Variants in RDH13 observed in about 807,000 individuals in gnomAD.
RDH13 encodes the protein retinol dehydrogenase 13.
RDH13 carries 35 observed loss-of-function variants against 28.3 expected under a neutral mutation model. The observed-to-expected ratio is 1.24, with a 90% CI of 0.95 to 1.64. RDH13 has a LOEUF of 1.64. RDH13 is among the 40% of genes most tolerant of loss of function. The probability of loss-of-function intolerance (pLI) is 0.00; values close to 1 mark genes in which losing one functional copy is unlikely to be tolerated. For missense variants in RDH13, 514 were observed against 446.3 expected, an observed-to-expected ratio of 1.15 and a Z score of -1.37; for synonymous variants, 229 against 198.5, an observed-to-expected ratio of 1.15 and a Z score of -1.29.
rs1339582678 is a variant in RDH13 at position 55,063,110 on chromosome 19, G to A, written c.-78C>T. 4.1e-6 allele frequency: 5 copies of A among 1,209,294 alleles called. No homozygotes were observed. Among genetic ancestry groups the A allele is most frequent in the Admixed American group, 4.2e-5 (1 of 23,630 alleles). 74.9% of individuals were successfully genotyped at this position (1,209,294 alleles called of 1,614,324 possible). ...ACACCAGCCGCCTGGGTAGCTCCGA[G>A]GAAGAGCGCGCGACGCAGCCACAGG... is the stretch of plus-strand genomic sequence containing the variant. On this transcript the variant is annotated 5_prime_UTR_variant, in exon 1 of 7. Transcript: ENST00000415061.
rs765323743 is a variant in RDH13, at chr19:55,048,687, G to A, written c.417C>T (p.Phe139=). 35 of 1,613,854 alleles carry A rather than the reference G, an allele frequency of 2.2e-5. No individual in the cohort carries two copies. The highest frequency in any genetic ancestry group is 1.6e-4 in the Middle Eastern group (1 of 6,082). ...GGTGGTTAACGCCAAACTGCATCTCGAAGCCGTCCTCGGTGGTCCAGTGGG... is the reference window on the plus strand; with the variant it reads ...GGTGGTTAACGCCAAACTGCATCTCAAAGCCGTCCTCGGTGGTCCAGTGGG... ...RCPHWTTEDG[F]EMQFGVNHLG... The change falls in exon 4 of 7, where the codon TTC becomes TTT. Residue 139 remains phenylalanine, a synonymous_variant. Coordinates refer to ENST00000415061, the MANE Select transcript of RDH13 (RefSeq NM_001145971.2).
chr19:55,064,636 GAC>G (rs2075912607), upstream of RDH13, among the ~76,000 whole-genome samples: 2 of 151,202 alleles, frequency 1.3e-5, no homozygotes, highest in East Asian at 4.0e-4. Context: ...TTTTTTGAGA[GAC>G]AGTCTCACTG....
chr19:55,055,191 C>T (rs2075591383), intron 3 of RDH13, among the ~76,000 whole-genome samples: 1 of 152,032 alleles, frequency 6.6e-6, no homozygotes, highest in African/African-American at 2.4e-5. Flanking sequence ...CTCACTCTGT[C>T]ACCCAGGCTG....
intron 2 of RDH13, 49 bp from the exon 3 acceptor site, chr19:55,056,857 GTAC>G: frequency 2.0e-6 from 3 of 1,491,692 alleles, no homozygotes; most frequent in Non-Finnish European, 2.8e-6. Context: ...CCACTCCTGG[GTAC>G]TGACCCCAGA....
chr19:55,057,843 G>C (rs2075689602), intron 2 of RDH13, among the ~76,000 whole-genome samples: 1 of 140,470 alleles, frequency 7.1e-6, no homozygotes, highest in Admixed American at 7.4e-5. Flanking sequence ...GTCTCACTCT[G>C]CTGCCGCGGC....
rs116774778 is a variant in RDH13 at position 55,056,159 on chromosome 19, A to G, written c.340+494T>C. ...ACAGAGCGAGACCCCATCTGTCTCA[A>G]AACAAACAAACAAAACAAAGTCAGC... On this transcript the variant is annotated intron_variant, in intron 3 of 6. Transcript: ENST00000415061. Among the ~76,000 whole-genome samples the G allele has an allele frequency of 4.0e-3, 605 of 151,606 alleles. 7 individuals carry two copies. Among genetic ancestry groups the G allele is most frequent in the African/African-American group, 0.014 (567 of 41,376 alleles).
chr19:55,054,975 AAAT>A (rs567250425), intron 3 of RDH13, among the ~76,000 whole-genome samples: 170 of 151,750 alleles, frequency 1.1e-3, no homozygotes, highest in African/African-American at 4.0e-3. Context: ...ACTAAACAAT[AAAT>A]AATTTTAGTG....
intron 3 of RDH13, among the ~76,000 whole-genome samples, chr19:55,051,765 CTCAGTGG>C (rs1461620858): frequency 6.7e-6 from 1 of 150,298 alleles, no homozygotes; most frequent in African/African-American, 2.5e-5. Flanking sequence ...GGGAAGCTCA[CTCAGTGG>C]CCCAGGCTGG....
At position 55,059,274 on chromosome 19, in the gene RDH13, C is replaced by A. The variant is rs1000627854; in HGVS notation, c.67G>T (p.Asp23Tyr). 6.3e-6 allele frequency: 10 copies of A among 1,589,918 alleles called. No individual in the cohort carries two copies. The highest frequency in any genetic ancestry group is 2.7e-5 in the African/African-American group (2 of 74,326). The change falls in exon 2 of 7, where the codon GAC becomes TAC. Residue 23 changes from aspartate (D) to tyrosine (Y), a missense_variant and splice_region_variant. Coordinates refer to ENST00000415061, the MANE Select transcript of RDH13 (RefSeq NM_001145971.2). ...GGGCAAGCCCCACCGGTGACATAGT[C>A]CCTGAGGGTGAGAAGCGGCACGGTC... Reference protein sequence around the residue: ...TVAGAAVLLKDYVTGGACPSK... With the variant: ...TVAGAAVLLKYYVTGGACPSK...
upstream of RDH13, among the ~76,000 whole-genome samples, chr19:55,064,749 G>A (rs951145120): frequency 4.1e-3 from 572 of 140,478 alleles, 8 homozygotes; most frequent in East Asian, 0.029. Flanking sequence ...AGTAGCTGGG[G>A]CTACAGGCAC....
chr19:55,058,151 C>T (rs1281896132), intron 2 of RDH13, among the ~76,000 whole-genome samples: 1 of 151,972 alleles, frequency 6.6e-6, no homozygotes, highest in Non-Finnish European at 1.5e-5. Flanking sequence ...GTGGCTCACA[C>T]CTGTAATCCC....
chr19:55,056,963 C>T lies in RDH13; in HGVS notation c.185-155G>A, dbSNP rs573804700. On this transcript the variant is annotated intron_variant, in intron 2 of 6. Transcript: ENST00000415061. The stretch of plus-strand genomic sequence containing the variant: ...CCAAAAGGTAGAAACAACCAAATGC[C>T]CATCTGTGGATGAAGGGACAACAAA... Among the ~76,000 whole-genome samples the T allele has an allele frequency of 2.0e-5, 3 of 152,236 alleles. No individual in the cohort carries two copies. The East Asian group carries it at 5.8e-4, about 29-fold the overall frequency.
chr19:55,045,552 T>C (rs1329525714), intron 6 of RDH13, among the ~76,000 whole-genome samples: 1 of 152,102 alleles, frequency 6.6e-6, no homozygotes, highest in African/African-American at 2.4e-5. Flanking sequence ...TCCAGGAAAA[T>C]GGAAGCTCTC....
At chr19:55,047,275 G>C (rs961260658) in intron 6 of RDH13, 112 bp downstream of exon 6, 12 of 1,485,946 alleles carry the variant, frequency 8.1e-6, no homozygotes, top group African/African-American at 1.4e-5. Context: ...CGTAGGCGAG[G>C]AGCAGGCATG....
intron 2 of RDH13, among the ~76,000 whole-genome samples, chr19:55,057,370 C>T (rs1054750162): frequency 1.3e-5 from 2 of 151,278 alleles, no homozygotes; most frequent in African/African-American, 2.4e-5. Flanking sequence ...TGGTCGGGCA[C>T]GGTGGCTCAC....
Position 55,044,933 on chromosome 19 carries a change from C to T in RDH13, c.*141G>A, listed in dbSNP as rs557354324. 232 of 640,034 alleles carry T rather than the reference C, an allele frequency of 3.6e-4. No homozygotes were observed. Among genetic ancestry groups the T allele is most frequent in the Non-Finnish European group, 2.1e-4 (77 of 373,174 alleles). 39.6% of individuals were successfully genotyped at this position (640,034 alleles called of 1,614,324 possible). ...CAGGCCAGTCCACTGCGGCCAGCACCGCCCCCTAGAACCTACTGCGGGCAT... is the reference window on the plus strand; with the variant it reads ...CAGGCCAGTCCACTGCGGCCAGCACTGCCCCCTAGAACCTACTGCGGGCAT... On this transcript the variant is annotated 3_prime_UTR_variant, in exon 7 of 7. Transcript: ENST00000415061.
chr19:55,056,364 G>A (rs1454185948), intron 3 of RDH13, among the ~76,000 whole-genome samples: 1 of 152,126 alleles, frequency 6.6e-6, no homozygotes, highest in African/African-American at 2.4e-5. Context: ...TCAGGAGGCT[G>A]AGGTCCGCGC....
chr19:55,045,775 A>G (rs4806638), intron 6 of RDH13, among the ~76,000 whole-genome samples: 10,979 of 147,722 alleles, frequency 0.074, 542 homozygotes, highest in East Asian at 0.21. Flanking sequence ...GTGAAACCCC[A>G]TTTCTACTAA....
upstream of RDH13, among the ~76,000 whole-genome samples, chr19:55,066,433 T>C (rs2075959419): frequency 8.8e-6 from 1 of 113,784 alleles, no homozygotes; most frequent in African/African-American, 3.6e-5. Flanking sequence ...TCTCCCTCTC[T>C]GTCTTCTCTC....
Sources: allele counts gnomAD v4.1 joint callset (sites outside exome capture counted in the v4.1 genomes callset), GRCh38; gene constraint gnomAD v4.1.1; transcripts MANE v1.5; gene names NCBI Gene and HGNC (gene_info 2026-07-23, HGNC 2026-07-21).